ZBTB46: variants seen among roughly 807,000 people sequenced by gnomAD.
ZBTB46 encodes the protein zinc finger and BTB domain-containing protein 46.
Under a neutral mutation model 44.1 loss-of-function variants are expected in ZBTB46, and 8 were observed. That is an observed-to-expected ratio of 0.18 (90% confidence interval 0.11 to 0.33). The LOEUF is 0.33. ZBTB46 is among the 10% of genes least tolerant of loss of function. The pLI, the probability that ZBTB46 is intolerant of heterozygous loss-of-function variation, is 1.00. For missense variants in ZBTB46, 651 were observed against 847.7 expected, an observed-to-expected ratio of 0.77 and a Z score of 2.88; for synonymous variants, 409 against 382.3, an observed-to-expected ratio of 1.07 and a Z score of -0.81.
At chr20:63,779,406 ATTTTTTTTTTTTT>A (rs59166121) in intron 2 of ZBTB46, among the ~76,000 whole-genome samples, 2 of 105,566 alleles carry the variant, frequency 1.9e-5, no homozygotes, top group African/African-American at 4.0e-5. Flanking sequence ...ACGCCGGCTA[ATTTTTTTTTTTTT>A]TTTTTTTTTT....
intron 1 of ZBTB46, among the ~76,000 whole-genome samples, chr20:63,830,722 G>A (rs1009186416): frequency 8.1e-5 from 12 of 148,832 alleles, no homozygotes; most frequent in Non-Finnish European, 1.3e-4. Flanking sequence ...CCCTCTCGGA[G>A]GTGCCGGGGA....
At chr20:63,818,412 G>A (rs537001853) in intron 1 of ZBTB46, among the ~76,000 whole-genome samples, 3 of 152,314 alleles carry the variant, frequency 2.0e-5, no homozygotes, top group South Asian at 2.1e-4. Flanking sequence ...GCGCAGTGCC[G>A]CCCCGCAGTC....
intron 1 of ZBTB46, among the ~76,000 whole-genome samples, chr20:63,802,503 C>G (rs962277288): frequency 1.3e-5 from 2 of 152,046 alleles, no homozygotes; most frequent in Non-Finnish European, 2.9e-5. Context: ...GGACACAGGT[C>G]GGCACAAAGC....
chr20:63,779,764 T>A (rs1023734133), intron 2 of ZBTB46, among the ~76,000 whole-genome samples: 1 of 151,850 alleles, frequency 6.6e-6, no homozygotes, highest in African/African-American at 2.4e-5. Flanking sequence ...TTCACCACAT[T>A]GGTCAGGCTG....
At chr20:63,786,150 A>C (rs966165555) in intron 2 of ZBTB46, among the ~76,000 whole-genome samples, 104 of 151,138 alleles carry the variant, frequency 6.9e-4, no homozygotes, top group Admixed American at 1.9e-3. Context: ...ATCAGAATAA[A>C]CCCCCCAAAG....
chr20:63,833,051 C>T (rs1004644402), upstream of ZBTB46, among the ~76,000 whole-genome samples: 3 of 152,150 alleles, frequency 2.0e-5, no homozygotes, highest in East Asian at 1.9e-4. Context: ...TGCTCTCTTG[C>T]GCAAAAGAGA....
At chr20:63,824,066 G>A (rs547258789) in intron 1 of ZBTB46, among the ~76,000 whole-genome samples, 158 of 152,196 alleles carry the variant, frequency 1.0e-3, no homozygotes, top group Admixed American at 1.9e-3. Flanking sequence ...GGGCAGGGTC[G>A]CTGGCCAAAG....
rs1280113451 is a variant in ZBTB46 at position 63,752,331 on chromosome 20, G to A, written c.1398+355C>T. On this transcript the variant is annotated intron_variant, in intron 4 of 4. Transcript: ENST00000245663. The surrounding 1 kb of genome is among the most constrained non-coding windows in gnomAD (Gnocchi z 5.6). ...GGTGCAGACAGGTCGGCAGGCACAAGGACAGGGTTCTCCCTCCCGAGGCAG... is the reference window on the plus strand; with the variant it reads ...GGTGCAGACAGGTCGGCAGGCACAAAGACAGGGTTCTCCCTCCCGAGGCAG... Among the ~76,000 whole-genome samples, 4 of 152,112 alleles carry A rather than the reference G, an allele frequency of 2.6e-5. No individual in the cohort carries two copies. Among genetic ancestry groups the A allele is most frequent in the Non-Finnish European group, 2.9e-5 (2 of 68,002 alleles).
intron 4 of ZBTB46, among the ~76,000 whole-genome samples, chr20:63,749,841 G>A (rs555501420): frequency 6.6e-6 from 1 of 152,358 alleles, no homozygotes; most frequent in Non-Finnish European, 1.5e-5. Context: ...GGCAGCTTGG[G>A]GTGGCACAGG....
chr20:63,763,062 G>C (rs1342110631), intron 3 of ZBTB46, among the ~76,000 whole-genome samples: 1 of 152,170 alleles, frequency 6.6e-6, no homozygotes, highest in East Asian at 1.9e-4. Flanking sequence ...GTCTTGCTAA[G>C]TTGCCCAGGC....
At chr20:63,750,391 G>A (rs935087349) in intron 4 of ZBTB46, among the ~76,000 whole-genome samples, 7 of 151,874 alleles carry the variant, frequency 4.6e-5, no homozygotes, top group African/African-American at 1.4e-4. Flanking sequence ...GACCACACTT[G>A]GCTAACTTTT....
Position 63,775,907 on chromosome 20 carries a change from G to C in ZBTB46, c.993C>G (p.Ala331=), listed in dbSNP as rs376217605. 3 of 1,605,038 alleles carry C rather than the reference G, an allele frequency of 1.9e-6. No homozygotes were observed. Among genetic ancestry groups the C allele is most frequent in the South Asian group, 2.2e-5 (2 of 90,626 alleles). ...ASSSDSRGER[A]ELYAQVEEGL... ...CCTCCTCCACCTGTGCATAGAGCTC[G>C]GCCCTCTCTCCTCGGCTGTCGGAGC... The change falls in exon 3 of 5, where the codon GCC becomes GCG. Residue 331 remains alanine (A), a synonymous_variant. Coordinates refer to ENST00000245663, the MANE Select transcript of ZBTB46 (RefSeq NM_001369741.1).
At chr20:63,760,308 C>G (rs1450735098) in intron 3 of ZBTB46, among the ~76,000 whole-genome samples, 3 of 152,194 alleles carry the variant, frequency 2.0e-5, no homozygotes, top group Non-Finnish European at 4.4e-5. Flanking sequence ...ATCATAAAAC[C>G]ATTGAGCTCT....
chr20:63,774,030 A>G (rs1012679656), intron 3 of ZBTB46, among the ~76,000 whole-genome samples: 1 of 139,898 alleles, frequency 7.1e-6, no homozygotes, highest in African/African-American at 2.7e-5. Flanking sequence ...TTGAATTCAC[A>G]ACAGCTGTGT....
intron 2 of ZBTB46, among the ~76,000 whole-genome samples, chr20:63,780,696 G>T (rs2092462468): frequency 6.6e-6 from 1 of 151,840 alleles, no homozygotes; most frequent in Admixed American, 6.6e-5. Context: ...CAGCTACTCG[G>T]GAGGCTGAGG....
At chr20:63,789,743 C>T (rs1392429445) in intron 2 of ZBTB46, 78 bp downstream of exon 2, 6 of 1,518,480 alleles carry the variant, frequency 4.0e-6, no homozygotes, top group African/African-American at 1.4e-5. Context: ...ACATGCGTCA[C>T]TGCCTCCGCA....
chr20:63,815,357 G>A (rs2092743147), intron 1 of ZBTB46, among the ~76,000 whole-genome samples: 2 of 151,894 alleles, frequency 1.3e-5, no homozygotes, highest in Admixed American at 1.3e-4. Context: ...GTAGGTGCAG[G>A]TGCAGTGGGT....
At chr20:63,771,177 C>G (rs1328226182) in intron 3 of ZBTB46, among the ~76,000 whole-genome samples, 1 of 152,218 alleles carries the variant, frequency 6.6e-6, no homozygotes, top group African/African-American at 2.4e-5. Flanking sequence ...CCAGCCGAGG[C>G]CGCTCTTGTC....
At chr20:63,823,858 T>TTCTGTGTGTG (rs144086739) in intron 1 of ZBTB46, among the ~76,000 whole-genome samples, 10 of 144,716 alleles carry the variant, frequency 6.9e-5, no homozygotes, top group Admixed American at 2.1e-4. Flanking sequence ...TCTAGGAACC[T>TTCTGTGTGTG]TGTGTGTGTG....
Sources: gnomAD v4.1 joint callset for allele counts (sites outside exome capture counted in the v4.1 genomes callset) on GRCh38, gnomAD v4.1.1 for gene constraint, Gnocchi (gnomAD v3.1) non-coding constraint, MANE v1.5 for transcripts, NCBI Gene and HGNC (gene_info 2026-07-23, HGNC 2026-07-21) for gene names.